The following GALNT2 variants were observed in gnomAD, a reference collection of about 807,000 sequenced individuals.
GALNT2 encodes the protein UDP-GalNAc:polypeptide N-acetylgalactosaminyltransferase 2.
Under a neutral mutation model 81.4 loss-of-function variants are expected in GALNT2, and 31 were observed. The observed-to-expected ratio is 0.38, with a 90% CI of 0.29 to 0.51. The LOEUF (loss-of-function observed/expected upper bound fraction) is 0.51, where lower values mean the gene tolerates loss of function less well. GALNT2 is among the 20% of genes least tolerant of loss of function. GALNT2 has a pLI of 0.87. For missense variants in GALNT2, 629 were observed against 765.7 expected (o/e 0.82, Z 2.11); for synonymous variants, 303 against 287.4 (o/e 1.05, Z -0.55).
intron 1 of GALNT2, among the ~76,000 whole-genome samples, chr1:230,067,945 G>A (rs1659250388): frequency 6.6e-6 from 1 of 152,144 alleles, no homozygotes; most frequent in Admixed American, 6.5e-5. Flanking sequence ...TGGGGGGCAG[G>A]GGCGGCCGCT....
chr1:230,081,178 C>T (rs1478609575), intron 1 of GALNT2, among the ~76,000 whole-genome samples: 1 of 152,104 alleles, frequency 6.6e-6, no homozygotes, highest in African/African-American at 2.4e-5. Flanking sequence ...CTCCTGCAGC[C>T]CTTTGCTTCT....
chr1:230,252,217 T>C (rs1271759795), intron 10 of GALNT2, among the ~76,000 whole-genome samples: 1 of 152,150 alleles, frequency 6.6e-6, no homozygotes, highest in Non-Finnish European at 1.5e-5. Flanking sequence ...CTACTAGCCA[T>C]TGCCAACCTG....
intron 10 of GALNT2, among the ~76,000 whole-genome samples, chr1:230,250,802 A>T (rs777711077): frequency 6.6e-5 from 10 of 152,202 alleles, no homozygotes; most frequent in Non-Finnish European, 1.3e-4. Context: ...TTGAAGGGAA[A>T]TGCAAACTCT....
intron 1 of GALNT2, among the ~76,000 whole-genome samples, chr1:230,144,182 CAA>C (rs1253642336): frequency 6.6e-6 from 1 of 152,162 alleles, no homozygotes; most frequent in Non-Finnish European, 1.5e-5. Flanking sequence ...GGCCACATGT[CAA>C]AGAGTTGACA....
At chr1:230,233,574 C>T (rs1289103868) in intron 3 of GALNT2, among the ~76,000 whole-genome samples, 1 of 152,106 alleles carries the variant, frequency 6.6e-6, no homozygotes, top group Non-Finnish European at 1.5e-5. Context: ...GATTGTGCCT[C>T]TGCACTCCAG....
intron 1 of GALNT2, among the ~76,000 whole-genome samples, chr1:230,176,759 C>A (rs779224367): frequency 6.6e-5 from 10 of 152,172 alleles, no homozygotes; most frequent in Non-Finnish European, 8.8e-5. Flanking sequence ...ATAAATATAT[C>A]TTTTCAAAAC....
intron 1 of GALNT2, among the ~76,000 whole-genome samples, chr1:230,086,290 G>A (rs534143628): frequency 2.6e-5 from 4 of 152,158 alleles, no homozygotes; most frequent in Admixed American, 6.5e-5. Flanking sequence ...GATACAGCAC[G>A]TTGCTCAGCT....
At chr1:230,123,202 G>A (rs185726208) in intron 1 of GALNT2, among the ~76,000 whole-genome samples, 23 of 152,320 alleles carry the variant, frequency 1.5e-4, no homozygotes, top group Admixed American at 1.3e-3. Context: ...GGTGCCCACT[G>A]TGAGTTTCTG....
At chr1:230,111,911 T>TA (rs1660714777) in intron 1 of GALNT2, among the ~76,000 whole-genome samples, 3 of 75,650 alleles carry the variant, frequency 4.0e-5, no homozygotes, top group Admixed American at 1.4e-4. Flanking sequence ...CTCTTTTTGT[T>TA]ATTCTTTTTT....
intron 3 of GALNT2, among the ~76,000 whole-genome samples, chr1:230,226,313 A>G (rs545884113): frequency 3.7e-4 from 57 of 152,304 alleles, no homozygotes; most frequent in African/African-American, 1.2e-3. Context: ...CACCGCCTCT[A>G]TTGCATCACC....
chr1:230,085,892 G>A (rs904289433), intron 1 of GALNT2, among the ~76,000 whole-genome samples: 5 of 152,182 alleles, frequency 3.3e-5, no homozygotes, highest in African/African-American at 1.2e-4. Context: ...CAGATGGGAC[G>A]GAGATGGATT....
chr1:230,119,958 TTGTC>T (rs1558093046), intron 1 of GALNT2, among the ~76,000 whole-genome samples: 1 of 152,118 alleles, frequency 6.6e-6, no homozygotes, highest in Non-Finnish European at 1.5e-5. Context: ...CGGGGTCACA[TTGTC>T]TGTTCCTGCC....
chr1:230,212,111 A>G (rs543719013), intron 3 of GALNT2, among the ~76,000 whole-genome samples: 2 of 152,250 alleles, frequency 1.3e-5, no homozygotes, highest in South Asian at 4.2e-4. Context: ...AAGTTTTATC[A>G]CTTGTCTATG....
chr1:230,076,998 A>G (rs764518325), intron 1 of GALNT2, among the ~76,000 whole-genome samples: 3 of 152,186 alleles, frequency 2.0e-5, no homozygotes, highest in Non-Finnish European at 4.4e-5. Context: ...TTTCTTAGCT[A>G]AATTGCCCTG....
intron 1 of GALNT2, among the ~76,000 whole-genome samples, chr1:230,124,096 G>A (rs887721915): frequency 1.3e-5 from 2 of 152,184 alleles, no homozygotes; most frequent in African/African-American, 2.4e-5. Context: ...AACCAGTCAC[G>A]TGCCTGGCTC....
At chr1:230,083,674 C>T (rs1659815616) in intron 1 of GALNT2, among the ~76,000 whole-genome samples, 1 of 152,164 alleles carries the variant, frequency 6.6e-6, no homozygotes, top group African/African-American at 2.4e-5. Flanking sequence ...GAAAGCTGTC[C>T]TTGCTGTTAA....
Position 230,274,781 on chromosome 1 carries a change from T to C in GALNT2, c.1560+217T>C, listed in dbSNP as rs575428971. ...CTGATTATATTCTCATTCTCTTCCCTATGCCGCTGAAAATTTAAAGAGAAA... is the reference window on the plus strand; with the variant it reads ...CTGATTATATTCTCATTCTCTTCCCCATGCCGCTGAAAATTTAAAGAGAAA... On this transcript the variant is annotated intron_variant, in intron 15 of 15. Coordinates refer to ENST00000366672, the MANE Select transcript of GALNT2 (RefSeq NM_004481.5). Among the ~76,000 whole-genome samples, 6 of 152,304 alleles carry C rather than the reference T, an allele frequency of 3.9e-5. No homozygotes were observed. In the East Asian group the frequency reaches 9.6e-4, roughly 24 times the overall value.
chr1:230,084,202 C>T (rs1390489014), intron 1 of GALNT2, among the ~76,000 whole-genome samples: 1 of 152,194 alleles, frequency 6.6e-6, no homozygotes, highest in Non-Finnish European at 1.5e-5. Context: ...GCCAGGCTAA[C>T]ATGGGCCCAG....
At chr1:230,121,330 G>T (rs1661009629) in intron 1 of GALNT2, among the ~76,000 whole-genome samples, 1 of 152,230 alleles carries the variant, frequency 6.6e-6, no homozygotes, top group Admixed American at 6.5e-5. Flanking sequence ...CGGGCGGTGG[G>T]GCAGGCTCCC....
Sources: allele counts gnomAD v4.1 joint callset (sites outside exome capture counted in the v4.1 genomes callset), GRCh38; gene constraint gnomAD v4.1.1; transcripts MANE v1.5; gene names NCBI Gene and HGNC (gene_info 2026-07-23, HGNC 2026-07-21).